The following KCNIP4 variants were observed in gnomAD, a reference collection of about 807,000 sequenced individuals.
KCNIP4 encodes Kv channel-interacting protein 4.
Under a neutral mutation model 34.0 loss-of-function variants are expected in KCNIP4, and 12 were observed. The ratio of observed to expected loss-of-function variants is 0.35; its 90% CI spans 0.23 to 0.57. The LOEUF is 0.57. KCNIP4 is among the 20% of genes least tolerant of loss of function. KCNIP4 has a pLI of 0.83. For missense variants in KCNIP4, 238 were observed against 311.7 expected, an observed-to-expected ratio of 0.76 and a Z score of 1.78; for synonymous variants, 124 against 102.2, an observed-to-expected ratio of 1.21 and a Z score of -1.29.
intron 1 of KCNIP4, among the ~76,000 whole-genome samples, chr4:21,336,132 A>G (rs1447422265): frequency 6.6e-6 from 1 of 152,154 alleles, no homozygotes; most frequent in Non-Finnish European, 1.5e-5. Context: ...GATTCACTCA[A>G]TATCATGTTT....
chr4:20,913,886 T>C (rs1728563581), intron 1 of KCNIP4, among the ~76,000 whole-genome samples: 1 of 152,214 alleles, frequency 6.6e-6, no homozygotes. Flanking sequence ...CCAGGCGCGG[T>C]GGCTCATGCC....
chr4:21,647,348 AT>A, intron 1 of KCNIP4, among the ~76,000 whole-genome samples: 1 of 152,250 alleles, frequency 6.6e-6, no homozygotes, highest in Admixed American at 6.5e-5. Flanking sequence ...TGTCATAACA[AT>A]TTTAAACATT....
intron 1 of KCNIP4, among the ~76,000 whole-genome samples, chr4:21,923,134 C>T (rs1471139963): frequency 6.6e-6 from 1 of 152,164 alleles, no homozygotes; most frequent in East Asian, 1.9e-4. Context: ...CTGTCATCAC[C>T]CACTGCCCAT....
At chr4:21,247,864 A>G (rs1247646748) in intron 1 of KCNIP4, among the ~76,000 whole-genome samples, 1 of 128,454 alleles carries the variant, frequency 7.8e-6, no homozygotes, top group Non-Finnish European at 1.6e-5. Flanking sequence ...ATATATATAT[A>G]TACACACACA....
rs139070063 is a variant in KCNIP4, at chr4:21,044,736, A to G, written c.62-162027T>C. On this transcript the variant is annotated intron_variant, in intron 1 of 8. Coordinates refer to ENST00000382152, the MANE Select transcript of KCNIP4 (RefSeq NM_025221.6). ...AGGCTGCAGCCAGACCCCTCCTGGG[A>G]CTCTTTCTCTGCCTTCTCATTCCCA... 2.4e-3 allele frequency among the ~76,000 whole-genome samples: 366 copies of G among 152,066 alleles called. 2 individuals carry two copies. Among genetic ancestry groups the G allele is most frequent in the African/African-American group, 8.4e-3 (349 of 41,494 alleles).
chr4:21,678,447 T>C lies in KCNIP4; in HGVS notation c.61+270124A>G, dbSNP rs143697272. On this transcript the variant is annotated intron_variant, in intron 1 of 8. Transcript: ENST00000382152. ...TGACCTCTGCTCTACAACTTAATTGTAACTGCTGTGTTTAGAATGCTGCAG... is the reference window on the plus strand; with the variant it reads ...TGACCTCTGCTCTACAACTTAATTGCAACTGCTGTGTTTAGAATGCTGCAG... 9.1e-3 allele frequency among the ~76,000 whole-genome samples: 1,391 copies of C among 152,228 alleles called. 15 individuals are homozygous for C. Among genetic ancestry groups the C allele is most frequent in the Non-Finnish European group, 0.013 (892 of 68,016 alleles).
intron 1 of KCNIP4, among the ~76,000 whole-genome samples, chr4:21,587,472 A>C (rs1025684724): frequency 5.3e-5 from 8 of 152,068 alleles, no homozygotes; most frequent in Admixed American, 5.3e-4. Context: ...AGACAGTCTT[A>C]TCTTCAGTTG....
At chr4:21,236,090 T>C (rs1177180992) in intron 1 of KCNIP4, among the ~76,000 whole-genome samples, 1 of 151,850 alleles carries the variant, frequency 6.6e-6, no homozygotes, top group African/African-American at 2.4e-5. Flanking sequence ...AGTTCAGGAG[T>C]TGGAGACCAG....
chr4:21,385,156 T>C (rs1024344549), intron 1 of KCNIP4, among the ~76,000 whole-genome samples: 7 of 152,176 alleles, frequency 4.6e-5, no homozygotes, highest in Admixed American at 6.6e-5. Context: ...TTCAGAGTTT[T>C]GGAGGCATAG....
At chr4:20,808,012 G>A (rs1715292963) in intron 3 of KCNIP4, among the ~76,000 whole-genome samples, 1 of 152,140 alleles carries the variant, frequency 6.6e-6, no homozygotes, top group South Asian at 2.1e-4. Context: ...GAGAACTTGA[G>A]AGTATGGGTC....
chr4:21,089,302 C>T (rs1268966100), intron 1 of KCNIP4, among the ~76,000 whole-genome samples: 1 of 152,142 alleles, frequency 6.6e-6, no homozygotes, highest in Non-Finnish European at 1.5e-5. Flanking sequence ...TTGCTCTCTT[C>T]CTCCTTCTCT....
At chr4:20,957,087 A>G (rs1311261827) in intron 1 of KCNIP4, among the ~76,000 whole-genome samples, 6 of 152,224 alleles carry the variant, frequency 3.9e-5, no homozygotes, top group South Asian at 2.1e-4. Context: ...AAGTAAAAAG[A>G]AAAGAATAAA....
intron 1 of KCNIP4, among the ~76,000 whole-genome samples, chr4:21,008,823 C>T (rs1244327146): frequency 6.6e-6 from 1 of 151,908 alleles, no homozygotes; most frequent in Non-Finnish European, 1.5e-5. Flanking sequence ...CGCGCCCAGC[C>T]GGGATTTTCT....
chr4:20,756,102 G>A (rs1351598758), intron 4 of KCNIP4, among the ~76,000 whole-genome samples: 1 of 151,864 alleles, frequency 6.6e-6, no homozygotes, highest in African/African-American at 2.4e-5. Context: ...CAGAATCAGA[G>A]AAGTCAGTTT....
chr4:21,521,633 A>T lies in KCNIP4; in HGVS notation c.61+426938T>A, dbSNP rs116138342. Among the ~76,000 whole-genome samples, 12 of 152,100 alleles carry T rather than the reference A, an allele frequency of 7.9e-5. No homozygotes were observed. The East Asian group carries it at 2.3e-3, about 29-fold the overall frequency. ...AATTATTCCTTTCTTGCATTGCCCA[A>T]TTGCAAGTCTCAGAGTGGCTGCCTC... On this transcript the variant is annotated intron_variant, in intron 1 of 8. Coordinates refer to ENST00000382152, the MANE Select transcript of KCNIP4 (RefSeq NM_025221.6).
intron 1 of KCNIP4, among the ~76,000 whole-genome samples, chr4:21,077,945 A>G (rs1745647952): frequency 6.6e-6 from 1 of 152,132 alleles, no homozygotes; most frequent in Non-Finnish European, 1.5e-5. Context: ...GCCAGAAAGT[A>G]TATCTAAATT....
At chr4:21,067,022 G>A (rs1343073834) in intron 1 of KCNIP4, among the ~76,000 whole-genome samples, 1 of 152,078 alleles carries the variant, frequency 6.6e-6, no homozygotes, top group Non-Finnish European at 1.5e-5. Context: ...GGAGAAGGGA[G>A]AACAAAAAGA....
At position 20,864,276 on chromosome 4, in the gene KCNIP4, A is replaced by G. The variant is rs80014982; in HGVS notation, c.164-13609T>C. 9.0e-4 allele frequency among the ~76,000 whole-genome samples: 136 copies of G among 151,594 alleles called. 3 individuals carry two copies. The East Asian group carries it at 0.025, about 28-fold the overall frequency. Reference sequence around the variant, plus strand: ...TATGCACACATATGTATGTACACATATGTATGCATATATGTACACATATGT... The same window carrying G: ...TATGCACACATATGTATGTACACATGTGTATGCATATATGTACACATATGT... On this transcript the variant is annotated intron_variant, in intron 2 of 8. Transcript: ENST00000382152.
chr4:21,485,369 G>A (rs574644259), intron 1 of KCNIP4, among the ~76,000 whole-genome samples: 20 of 152,194 alleles, frequency 1.3e-4, no homozygotes, highest in African/African-American at 4.1e-4. Flanking sequence ...CCTGGCTCTT[G>A]TCTATGTCTC....
Sources: allele counts gnomAD v4.1 joint callset (sites outside exome capture counted in the v4.1 genomes callset), GRCh38; gene constraint gnomAD v4.1.1; transcripts MANE v1.5; gene names NCBI Gene and HGNC (gene_info 2026-07-23, HGNC 2026-07-21).